The following PAX7 variants were observed in gnomAD, a reference collection of about 807,000 sequenced individuals.
The protein encoded by PAX7 is paired box protein Pax-7.
Under a neutral mutation model 50.7 loss-of-function variants are expected in PAX7, and 18 were observed. The observed-to-expected ratio is 0.36, with a 90% CI of 0.25 to 0.53. The LOEUF is 0.53. PAX7 is among the 20% of genes least tolerant of loss of function. The probability of loss-of-function intolerance (pLI) is 0.93; values close to 1 mark genes in which losing one functional copy is unlikely to be tolerated. For synonymous variants in PAX7, 310 were observed against 290.4 expected, an observed-to-expected ratio of 1.07 and a Z score of -0.69; for missense variants, 644 against 702.9, an observed-to-expected ratio of 0.92 and a Z score of 0.95.
intron 7 of PAX7, among the ~76,000 whole-genome samples, chr1:18,728,181 C>T (rs2089597714): frequency 1.3e-5 from 2 of 152,158 alleles, no homozygotes; most frequent in South Asian, 2.1e-4. Context: ...AGTGAGCTGA[C>T]GAAGGCGGAG....
At chr1:18,741,663 T>G (rs1931142406) in intron 8 of PAX7, among the ~76,000 whole-genome samples, 1 of 152,162 alleles carries the variant, frequency 6.6e-6, no homozygotes, top group African/African-American at 2.4e-5. Flanking sequence ...GAGGTTGGTG[T>G]GAGAGGCTGG....
In PAX7 at chr1:18,671,437, A is replaced by G. The variant is rs369004675; in HGVS notation, c.587-20317A>G. Among the ~76,000 whole-genome samples the G allele has an allele frequency of 1.4e-4, 22 of 152,338 alleles. No homozygotes were observed. In the East Asian group the frequency reaches 2.9e-3, roughly 20 times the overall value. Reference sequence around the variant, plus strand: ...ACAATGCACTCTTATTTCCAGGGGAATCTAATTAGAGGGCAGACAGCCGAG... The same window carrying G: ...ACAATGCACTCTTATTTCCAGGGGAGTCTAATTAGAGGGCAGACAGCCGAG... On this transcript the variant is annotated intron_variant, in intron 4 of 8. Coordinates refer to ENST00000420770, the MANE Select transcript of PAX7 (RefSeq NM_001135254.2).
intron 7 of PAX7, among the ~76,000 whole-genome samples, chr1:18,721,196 T>C (rs12141930): frequency 0.26 from 39,329 of 152,104 alleles, 5,351 homozygotes; most frequent in South Asian, 0.34. Context: ...CCAGATGCCC[T>C]GGCCTCCCAG....
chr1:18,730,500 C>T (rs1180780169), intron 7 of PAX7, among the ~76,000 whole-genome samples: 1 of 152,104 alleles, frequency 6.6e-6, no homozygotes, highest in African/African-American at 2.4e-5. Context: ...CTCCCTCTTC[C>T]TCTGCACCCT....
intron 4 of PAX7, among the ~76,000 whole-genome samples, chr1:18,677,520 A>G (rs2088841225): frequency 6.6e-6 from 1 of 152,190 alleles, no homozygotes. Flanking sequence ...TGTTGGGCAC[A>G]TGCTTCTCTG....
intron 1 of PAX7, among the ~76,000 whole-genome samples, chr1:18,633,024 C>A (rs556110620): frequency 9.8e-5 from 15 of 152,300 alleles, no homozygotes; most frequent in East Asian, 3.9e-4. Flanking sequence ...TAAAGTTGGG[C>A]GCTCGAGAGC....
chr1:18,748,615 T>C lies in PAX7; in HGVS notation c.*3686T>C, dbSNP rs1346834201. ...TCCTAGTAACTGCAACTTTGTTGCT[T>C]CTGTGTTTGACTCACAGCCACTTTC... On this transcript the variant is annotated 3_prime_UTR_variant, in exon 9 of 9. Transcript: ENST00000420770. The C allele has an allele frequency of 1.3e-5, 3 of 232,136 alleles. No homozygotes were observed. Among genetic ancestry groups the C allele is most frequent in the African/African-American group, 6.6e-5 (3 of 45,256 alleles). The allele number at this position is 232,136 out of a possible 1,614,324, so 14.4% of individuals were successfully genotyped here.
chr1:18,639,120 T>C (rs1316715061), intron 4 of PAX7, among the ~76,000 whole-genome samples: 1 of 152,160 alleles, frequency 6.6e-6, no homozygotes, highest in African/African-American at 2.4e-5. Flanking sequence ...TTTCCTATCG[T>C]CCGCTTGGCA....
intron 4 of PAX7, among the ~76,000 whole-genome samples, chr1:18,641,795 A>G (rs2088259870): frequency 6.6e-6 from 1 of 152,188 alleles, no homozygotes. Flanking sequence ...GATATTAATA[A>G]CACATTTTCC....
chr1:18,737,501 G>T (rs993713872), intron 8 of PAX7, among the ~76,000 whole-genome samples: 2 of 152,274 alleles, frequency 1.3e-5, no homozygotes, highest in Non-Finnish European at 2.9e-5. Context: ...ATGGGTGTTT[G>T]TGAGTACGTA....
chr1:18,643,090 G>A (rs1428864150), intron 4 of PAX7, among the ~76,000 whole-genome samples: 7 of 152,228 alleles, frequency 4.6e-5, no homozygotes, highest in Non-Finnish European at 1.0e-4. Flanking sequence ...GAGGGGTGAA[G>A]GGAAGTTGTG....
In PAX7 at chr1:18,635,231, G is replaced by C; in HGVS notation, c.442G>C (p.Val148Leu). The stretch of plus-strand genomic sequence containing the variant: ...GGATGGGCACTGTGACCGAAGCACT[G>C]TGCCCTCAGGTGAGAAGGCAGCTGA... ...LKDGHCDRST[V>L]PSGLVSSISR... The change falls in exon 3 of 9, where the codon GTG becomes CTG. Residue 148 changes from valine to leucine, a missense_variant. By Grantham distance (32) the Val-to-Leu change is conservative. Transcript: ENST00000420770. The C allele has an allele frequency of 6.2e-7, 1 of 1,613,550 alleles. No homozygotes were observed. Among genetic ancestry groups the C allele is most frequent in the South Asian group, 1.1e-5 (1 of 91,036 alleles).
chr1:18,684,750 C>T (rs930805526), intron 4 of PAX7, among the ~76,000 whole-genome samples: 11 of 152,192 alleles, frequency 7.2e-5, no homozygotes, highest in Non-Finnish European at 1.5e-4. Flanking sequence ...GTTTCTCTGC[C>T]GCAGCTCAAC....
At chr1:18,645,880 C>A (rs774076868) in intron 4 of PAX7, among the ~76,000 whole-genome samples, 7 of 152,302 alleles carry the variant, frequency 4.6e-5, no homozygotes, top group Non-Finnish European at 7.3e-5. Flanking sequence ...TTTCTTGTAA[C>A]CACAGCCCTA....
chr1:18,726,639 G>A lies in PAX7; in HGVS notation c.1156-8993G>A, dbSNP rs1382948340. Among the ~76,000 whole-genome samples the A allele has an allele frequency of 6.6e-6, 1 of 152,216 alleles. No individual in the cohort carries two copies. Among genetic ancestry groups the A allele is most frequent in the Non-Finnish European group, 1.5e-5 (1 of 68,032 alleles). On this transcript the variant is annotated intron_variant, in intron 7 of 8. Transcript: ENST00000420770. This position sits in a 1 kb window ranked among gnomAD's most constrained non-coding sequence, Gnocchi z 4.8. ...TAGTGGGACTGAAAGTTTCCACGGG[G>A]TAAGGCTTGAACACAGGGACCTCAC...
At chr1:18,725,642 A>C (rs1482893842) in intron 7 of PAX7, among the ~76,000 whole-genome samples, 1 of 152,162 alleles carries the variant, frequency 6.6e-6, no homozygotes, top group African/African-American at 2.4e-5. Context: ...GTGCTAATTA[A>C]ATTTATGCAA....
chr1:18,645,744 A>T (rs960550018), intron 4 of PAX7, among the ~76,000 whole-genome samples: 6 of 152,012 alleles, frequency 3.9e-5, no homozygotes, highest in Non-Finnish European at 8.8e-5. Flanking sequence ...ACTTGCCTTA[A>T]GTCTGCTCTG....
In PAX7 at chr1:18,686,398, T is replaced by C. The variant is rs77336960; in HGVS notation, c.587-5356T>C. Among the ~76,000 whole-genome samples the C allele has an allele frequency of 2.5e-3, 384 of 152,306 alleles. 13 individuals are homozygous for C. In the East Asian group the frequency reaches 0.068, roughly 27 times the overall value. ...GGGACCATCCCATTCCTTAGCTGTT[T>C]GATAGTGCGAGGGCAGGAGCCCAGG... On this transcript the variant is annotated intron_variant, in intron 4 of 8. Transcript: ENST00000420770.
rs1355051047 is a variant in PAX7, at chr1:18,636,827, C to T, written c.586+456C>T. ...CGGCTCCCTAAATGAATTTGTTAAC[C>T]AGACCCCCACACGCTCTCTAAACGG... On this transcript the variant is annotated intron_variant, in intron 4 of 8. Coordinates refer to ENST00000420770, the MANE Select transcript of PAX7 (RefSeq NM_001135254.2). The surrounding 1 kb of genome is among the most constrained non-coding windows in gnomAD (Gnocchi z 5.1). 6.6e-6 allele frequency among the ~76,000 whole-genome samples: 1 copy of T among 152,164 alleles called. No homozygotes were observed. The highest frequency in any genetic ancestry group is 1.9e-4 in the East Asian group (1 of 5,176).
Sources: gnomAD v4.1 joint callset for allele counts (sites outside exome capture counted in the v4.1 genomes callset) on GRCh38, gnomAD v4.1.1 for gene constraint, Gnocchi (gnomAD v3.1) non-coding constraint, MANE v1.5 for transcripts, NCBI Gene and HGNC (gene_info 2026-07-23, HGNC 2026-07-21) for gene names.